SMC1B: variants seen among roughly 807,000 people sequenced by gnomAD.
SMC1B encodes structural maintenance of chromosomes protein 1B.
A neutral mutation model predicts 157.9 loss-of-function variants in SMC1B; 60 were observed. The observed-to-expected ratio is 0.38, with a 90% CI of 0.31 to 0.47. SMC1B has a LOEUF of 0.47. Among genes scored for constraint, SMC1B ranks in the 20% least tolerant of loss-of-function variants. The probability of loss-of-function intolerance (pLI) is 0.99; values close to 1 mark genes in which losing one functional copy is unlikely to be tolerated. For missense variants in SMC1B, 1,165 were observed against 1,426.2 expected (o/e 0.82, Z 2.95); for synonymous variants, 445 against 483.0 (o/e 0.92, Z 1.03).
At chr22:45,387,636 G>A (rs1044036612) in intron 10 of SMC1B, among the ~76,000 whole-genome samples, 2 of 152,134 alleles carry the variant, frequency 1.3e-5, no homozygotes, top group Non-Finnish European at 2.9e-5. Context: ...ACAATGCATA[G>A]GAAGTGTTCC....
At chr22:45,364,350 T>G (rs976486976) in intron 15 of SMC1B, among the ~76,000 whole-genome samples, 5 of 152,024 alleles carry the variant, frequency 3.3e-5, no homozygotes, top group Non-Finnish European at 7.4e-5. Context: ...TGCTAGATAC[T>G]GCTAATATAA....
chr22:45,402,830 G>C (rs974890989), intron 4 of SMC1B, among the ~76,000 whole-genome samples: 2 of 152,158 alleles, frequency 1.3e-5, no homozygotes, highest in Admixed American at 6.5e-5. Flanking sequence ...ATTAGCCTGG[G>C]TCCCTTTTGT....
intron 12 of SMC1B, among the ~76,000 whole-genome samples, chr22:45,376,995 T>TA (rs1055731038): frequency 9.9e-5 from 15 of 152,182 alleles, no homozygotes; most frequent in Non-Finnish European, 2.2e-4. Flanking sequence ...AATCTTGTAA[T>TA]AGAGTCTAGA....
intron 12 of SMC1B, among the ~76,000 whole-genome samples, chr22:45,375,601 ATTTAT>A (rs2086876725): frequency 6.6e-6 from 1 of 152,200 alleles, no homozygotes; most frequent in Non-Finnish European, 1.5e-5. Context: ...AGTAAGAGCT[ATTTAT>A]TTTATTTAAA....
intron 14 of SMC1B, among the ~76,000 whole-genome samples, chr22:45,370,579 G>A (rs2086821616): frequency 6.6e-6 from 1 of 152,146 alleles, no homozygotes; most frequent in Non-Finnish European, 1.5e-5. Flanking sequence ...ACTATTTTAA[G>A]AACAGGACAT....
At chr22:45,350,502 T>C (rs1264457444) in intron 22 of SMC1B, among the ~76,000 whole-genome samples, 2 of 151,762 alleles carry the variant, frequency 1.3e-5, no homozygotes, top group African/African-American at 2.4e-5. Flanking sequence ...GGTCTTGATC[T>C]CCTGACCTTG....
chr22:45,344,422 C>G lies in SMC1B; in HGVS notation c.*134G>C. ...CTAAAGTGAGCCACAGCCTCTTTGG[C>G]TAGAACGACTAAGGTTTCTCTTAAA... On this transcript the variant is annotated 3_prime_UTR_variant, in exon 25 of 25. Transcript: ENST00000357450. 1 of 600,632 alleles carries G rather than the reference C, an allele frequency of 1.7e-6. No homozygotes were observed. The highest frequency in any genetic ancestry group is 2.6e-5 in the South Asian group (1 of 38,626). 37.2% of individuals were successfully genotyped at this position (600,632 alleles called of 1,614,324 possible).
intron 19 of SMC1B, among the ~76,000 whole-genome samples, chr22:45,357,322 T>G (rs1342715005): frequency 6.6e-6 from 1 of 152,214 alleles, no homozygotes; most frequent in Admixed American, 6.5e-5. Flanking sequence ...CAGGGATGAC[T>G]GGGAAACAGA....
At chr22:45,410,063 T>C (rs2038702130) in intron 1 of SMC1B, among the ~76,000 whole-genome samples, 1 of 152,244 alleles carries the variant, frequency 6.6e-6, no homozygotes, top group Admixed American at 6.5e-5. Context: ...GCTGGAGGAA[T>C]GAAGCACTGA....
chr22:45,344,463 G>T lies in SMC1B; in HGVS notation c.*93C>A. 1.1e-6 allele frequency: 1 copy of T among 878,720 alleles called. No homozygotes were observed. The highest frequency in any genetic ancestry group is 1.9e-6 in the Non-Finnish European group (1 of 534,384). 54.4% of individuals were successfully genotyped at this position (878,720 alleles called of 1,614,324 possible). A position where few individuals can be genotyped will look rare whatever the true frequency, so the allele number is the denominator to read the frequency against. ...TTCTCTTAAAGGGTGCACCAGGCTG[G>T]TCCTGCTTGCTCCAGAAGTCTCCTG... On this transcript the variant is annotated 3_prime_UTR_variant, in exon 25 of 25. Coordinates refer to ENST00000357450, the MANE Select transcript of SMC1B (RefSeq NM_148674.5).
Position 45,408,499 on chromosome 22 carries a change from T to A in SMC1B, c.298+211A>T, listed in dbSNP as rs577937119. Among the ~76,000 whole-genome samples, 371 of 152,234 alleles carry A rather than the reference T, an allele frequency of 2.4e-3. 2 individuals carry two copies. Among genetic ancestry groups the A allele is most frequent in the Non-Finnish European group, 4.4e-3 (301 of 68,020 alleles). On this transcript the variant is annotated intron_variant, in intron 2 of 24. Coordinates refer to ENST00000357450, the MANE Select transcript of SMC1B (RefSeq NM_148674.5). Reference sequence around the variant, plus strand: ...CAGTAGGGGGATTTGAACAATTATGTCAGTTAAGGAAAAGCAGACATAATT... The same window carrying A: ...CAGTAGGGGGATTTGAACAATTATGACAGTTAAGGAAAAGCAGACATAATT...
chr22:45,359,697 G>A, intron 18 of SMC1B, 108 bp downstream of exon 18: 3 of 1,219,950 alleles, frequency 2.5e-6, no homozygotes, highest in Non-Finnish European at 3.4e-6. Flanking sequence ...CCTATGAGAT[G>A]TCTTCACCAC....
chr22:45,377,827 C>G (rs970781869), intron 12 of SMC1B, among the ~76,000 whole-genome samples: 1 of 151,512 alleles, frequency 6.6e-6, no homozygotes, highest in Non-Finnish European at 1.5e-5. Context: ...AAAGCCACCA[C>G]GCCTGGCCAG....
In SMC1B at chr22:45,354,014, T is replaced by G; in HGVS notation, c.3237A>C (p.Gln1079His). Residue 1079 changes from glutamine to histidine, a missense_variant, in exon 21 of 25, where the codon CAA becomes CAC. Gln to His is a conservative substitution (Grantham distance 24). Coordinates refer to ENST00000357450, the MANE Select transcript of SMC1B (RefSeq NM_148674.5). ...CFEHVSISID[Q>H]IYKKLCRNNS... ...TGTTTCTGCAGAGCTTCTTGTAGATTTGATCAATTGAGATTGAGACATGCT... is the reference window on the plus strand; with the variant it reads ...TGTTTCTGCAGAGCTTCTTGTAGATGTGATCAATTGAGATTGAGACATGCT... 1.3e-6 allele frequency: 2 copies of G among 1,596,144 alleles called. No homozygotes were observed. Among genetic ancestry groups the G allele is most frequent in the Non-Finnish European group, 1.7e-6 (2 of 1,173,448 alleles).
intron 12 of SMC1B, among the ~76,000 whole-genome samples, chr22:45,379,145 C>A (rs2086910861): frequency 6.6e-6 from 1 of 152,140 alleles, no homozygotes; most frequent in Non-Finnish European, 1.5e-5. Context: ...CCAAGCCCAG[C>A]TAATTTTTGT....
intron 11 of SMC1B, among the ~76,000 whole-genome samples, chr22:45,384,015 G>T (rs1263481541): frequency 2.0e-5 from 3 of 152,118 alleles, no homozygotes; most frequent in African/African-American, 7.2e-5. Flanking sequence ...ATAAATTTAG[G>T]TTCCCACAGC....
In SMC1B at chr22:45,389,901, A is replaced by G; in HGVS notation, c.1546-4T>C. The G allele has an allele frequency of 6.2e-7, 1 of 1,609,552 alleles. No individual in the cohort carries two copies. The highest frequency in any genetic ancestry group is 8.5e-7 in the Non-Finnish European group (1 of 1,178,528). Reference sequence around the variant, plus strand: ...ACAGGTCAAATAGTCTTCCAAACTTAGCAGGTTTCAAAAAAGGAGAGAAAA... The same window carrying G: ...ACAGGTCAAATAGTCTTCCAAACTTGGCAGGTTTCAAAAAAGGAGAGAAAA... On this transcript the variant is annotated splice_region_variant and splice_polypyrimidine_tract_variant and intron_variant, in intron 9 of 24. Coordinates refer to ENST00000357450, the MANE Select transcript of SMC1B (RefSeq NM_148674.5).
Position 45,356,106 on chromosome 22 carries a change from A to G in SMC1B, c.2962-991T>C, listed in dbSNP as rs2086667537. On this transcript the variant is annotated intron_variant, in intron 19 of 24. Coordinates refer to ENST00000357450, the MANE Select transcript of SMC1B (RefSeq NM_148674.5). ...AAAAAAAAGTCTAACAAAATATATT[A>G]ACAGCATATAAACTGAAAAGATGTG... 3.3e-5 allele frequency among the ~76,000 whole-genome samples: 5 copies of G among 152,342 alleles called. No homozygotes were observed. In the South Asian group the frequency reaches 1.0e-3, roughly 32 times the overall value.
At chr22:45,359,691 T>G in intron 18 of SMC1B, 114 bp downstream of exon 18, 10 of 1,147,420 alleles carry the variant, frequency 8.7e-6, no homozygotes, top group Non-Finnish European at 1.2e-5. Flanking sequence ...TTCCCTCCTA[T>G]GAGATGTCTT....
Sources: gnomAD v4.1 joint callset for allele counts (sites outside exome capture counted in the v4.1 genomes callset) on GRCh38, gnomAD v4.1.1 for gene constraint, MANE v1.5 for transcripts, NCBI Gene and HGNC (gene_info 2026-07-23, HGNC 2026-07-21) for gene names.